CLNK: variants seen among roughly 807,000 people sequenced by gnomAD.
CLNK encodes the protein cytokine dependent hematopoietic cell linker, also known as cytokine-dependent hematopoietic cell linker.
CLNK carries 74 observed loss-of-function variants against 68.6 expected under a neutral mutation model. The ratio of observed to expected loss-of-function variants is 1.08; its 90% CI spans 0.89 to 1.31. The LOEUF is 1.31. CLNK is among the 50% of genes most tolerant of loss of function. The pLI is 0.00. For missense variants in CLNK, 553 were observed against 515.3 expected, an observed-to-expected ratio of 1.07 and a Z score of -0.71; for synonymous variants, 198 against 172.2, an observed-to-expected ratio of 1.15 and a Z score of -1.17.
At chr4:10,497,495 G>C (rs1716861628) in intron 18 of CLNK, among the ~76,000 whole-genome samples, 1 of 152,216 alleles carries the variant, frequency 6.6e-6, no homozygotes, top group Non-Finnish European at 1.5e-5. Context: ...TTCTCTCAGG[G>C]TTCCTTGGTG....
At chr4:10,731,893 GT>G in the CLNK span, among the ~76,000 whole-genome samples, 1 of 152,180 alleles carries the variant, frequency 6.6e-6, no homozygotes. Context: ...TGAAGCAGTG[GT>G]TTGTTCCTAA....
intron 18 of CLNK, among the ~76,000 whole-genome samples, chr4:10,498,795 G>A (rs1349308094): frequency 2.6e-5 from 4 of 152,116 alleles, no homozygotes; most frequent in Non-Finnish European, 5.9e-5. Flanking sequence ...TCGTGTTAAC[G>A]TAGCACTTTC....
At chr4:10,699,275 A>AC in the CLNK span, among the ~76,000 whole-genome samples, 5 of 128,088 alleles carry the variant, frequency 3.9e-5, no homozygotes, top group African/African-American at 5.9e-5. Flanking sequence ...ACACACACAC[A>AC]CACCACATAC....
At chr4:10,637,445 T>G (rs1026045664) in intron 2 of CLNK, among the ~76,000 whole-genome samples, 3 of 150,794 alleles carry the variant, frequency 2.0e-5, no homozygotes, top group Non-Finnish European at 1.5e-5. Context: ...AAAGTTTTTT[T>G]TTTTTTTTTG....
chr4:10,535,253 A>AAGAAAGAAAGAAAG (rs1718711312), intron 11 of CLNK, among the ~76,000 whole-genome samples: 1 of 151,640 alleles, frequency 6.6e-6, no homozygotes, highest in African/African-American at 2.4e-5. Flanking sequence ...GAAAGAAAGA[A>AAGAAAGAAAGAAAG]AGAAAGAAAG....
At chr4:10,614,254 T>C (rs1010229146) in intron 2 of CLNK, among the ~76,000 whole-genome samples, 12 of 152,212 alleles carry the variant, frequency 7.9e-5, no homozygotes, top group Non-Finnish European at 1.6e-4. Flanking sequence ...GTATGGTAAC[T>C]AGCACGTTGA....
the CLNK span, among the ~76,000 whole-genome samples, chr4:10,727,548 G>C: frequency 6.6e-6 from 1 of 152,220 alleles, no homozygotes; most frequent in Non-Finnish European, 1.5e-5. Flanking sequence ...CTATTCTAAA[G>C]TGTGATCAGA....
chr4:10,538,978 T>C (rs1718908867), intron 11 of CLNK, among the ~76,000 whole-genome samples: 1 of 152,254 alleles, frequency 6.6e-6, no homozygotes, highest in South Asian at 2.1e-4. Flanking sequence ...CCCTTTGCCT[T>C]CTGCCATGAT....
chr4:10,504,827 A>T (rs1277024307), intron 17 of CLNK, among the ~76,000 whole-genome samples: 1 of 152,242 alleles, frequency 6.6e-6, no homozygotes, highest in African/African-American at 2.4e-5. Context: ...AATGAGAAAC[A>T]CATTTTGACA....
intron 8 of CLNK, among the ~76,000 whole-genome samples, chr4:10,552,263 C>G (rs1719492455): frequency 6.6e-6 from 1 of 152,082 alleles, no homozygotes. Flanking sequence ...CACATTCAGG[C>G]TATAGTTTAA....
At chr4:10,545,421 G>T (rs1424221081) in intron 8 of CLNK, among the ~76,000 whole-genome samples, 13 of 152,150 alleles carry the variant, frequency 8.5e-5, no homozygotes, top group Non-Finnish European at 1.5e-5. Context: ...TCCACGTCTG[G>T]CATTCTGTGC....
intron 18 of CLNK, among the ~76,000 whole-genome samples, chr4:10,500,323 C>A (rs778224326): frequency 5.3e-5 from 8 of 152,086 alleles, no homozygotes; most frequent in Non-Finnish European, 8.8e-5. Context: ...ATTTTCTGAG[C>A]CCCAGTTTTC....
At chr4:10,629,298 A>G (rs1722796472) in intron 2 of CLNK, among the ~76,000 whole-genome samples, 1 of 152,164 alleles carries the variant, frequency 6.6e-6, no homozygotes, top group Non-Finnish European at 1.5e-5. Context: ...TTCCCTTTGC[A>G]CCTATGCCTG....
intron 15 of CLNK, among the ~76,000 whole-genome samples, chr4:10,516,019 A>C (rs1416308340): frequency 2.6e-5 from 4 of 152,184 alleles, no homozygotes; most frequent in Non-Finnish European, 5.9e-5. Flanking sequence ...CTCAATCAAA[A>C]TAACATATTA....
chr4:10,573,215 A>C (rs1372055141), intron 4 of CLNK, among the ~76,000 whole-genome samples: 1 of 152,206 alleles, frequency 6.6e-6, no homozygotes, highest in Non-Finnish European at 1.5e-5. Context: ...TTGTATCAGC[A>C]TGCCCAAATC....
rs73228245 is a variant in CLNK, at chr4:10,602,300, G to T, written c.12-4251C>A. ...AGTTGAATTGATTTGTGGGTTTAAC[G>T]ACGTGTACCAAGGTGTATGTCTACC... is the stretch of plus-strand genomic sequence containing the variant. On this transcript the variant is annotated intron_variant, in intron 2 of 18. Coordinates refer to ENST00000226951, the MANE Select transcript of CLNK (RefSeq NM_052964.4). Among the ~76,000 whole-genome samples, 845 of 152,248 alleles carry T rather than the reference G, an allele frequency of 5.6e-3. 6 individuals are homozygous for T. The highest frequency in any genetic ancestry group is 9.2e-3 in the Non-Finnish European group (629 of 68,020).
chr4:10,641,120 C>A (rs1409896913), intron 2 of CLNK, among the ~76,000 whole-genome samples: 3 of 152,314 alleles, frequency 2.0e-5, no homozygotes, highest in Non-Finnish European at 4.4e-5. Context: ...AAGTTTCTAG[C>A]ATGATTTCGA....
chr4:10,537,678 T>TTC lies in CLNK; in HGVS notation c.602+2815_602+2816insGA, dbSNP rs1718836000. 1.4e-3 allele frequency among the ~76,000 whole-genome samples: 54 copies of TTC among 38,518 alleles called. 1 individual carries two copies. The highest frequency in any genetic ancestry group is 3.5e-3 in the African/African-American group (30 of 8,566). The allele number at this position is 38,518 out of a possible 152,430, so 25.3% of individuals were successfully genotyped here. ...TTCTTTCTTTCTTTCTTTCTTTCTT[T>TTC]CTTCCTTCCTTCCTTCCTTCCTTCC... On this transcript the variant is annotated intron_variant, in intron 11 of 18. Coordinates refer to ENST00000226951, the MANE Select transcript of CLNK (RefSeq NM_052964.4).
At chr4:10,566,809 C>T (rs1211138240) in intron 5 of CLNK, among the ~76,000 whole-genome samples, 1 of 151,972 alleles carries the variant, frequency 6.6e-6, no homozygotes, top group Non-Finnish European at 1.5e-5. Flanking sequence ...CAGAGTGAGA[C>T]CTCATCTGTA....
Sources: allele counts gnomAD v4.1 joint callset (sites outside exome capture counted in the v4.1 genomes callset), GRCh38; gene constraint gnomAD v4.1.1; transcripts MANE v1.5; gene names NCBI Gene and HGNC (gene_info 2026-07-23, HGNC 2026-07-21).